Variants in CCDC148 observed in about 807,000 individuals in gnomAD.
CCDC148 encodes coiled-coil domain containing 148.
A neutral mutation model predicts 85.7 loss-of-function variants in CCDC148; 89 were observed. That is an observed-to-expected ratio of 1.04 (90% confidence interval 0.87 to 1.24). CCDC148 has a LOEUF of 1.24. Ranked by LOEUF, CCDC148 falls within the 50% of genes most tolerant of loss-of-function variation. The pLI, the probability that CCDC148 is intolerant of heterozygous loss-of-function variation, is 0.00. For missense variants in CCDC148, 692 were observed against 671.7 expected, an observed-to-expected ratio of 1.03 and a Z score of -0.33; for synonymous variants, 230 against 213.9, an observed-to-expected ratio of 1.08 and a Z score of -0.66.
At chr2:158,417,888 G>A (rs912919661) in intron 1 of CCDC148, among the ~76,000 whole-genome samples, 1 of 152,122 alleles carries the variant, frequency 6.6e-6, no homozygotes, top group Non-Finnish European at 1.5e-5. Flanking sequence ...ACAATTAAAG[G>A]TAATTAAAAG....
At chr2:158,198,328 G>A (rs770784263) in intron 11 of CCDC148, among the ~76,000 whole-genome samples, 35 of 152,222 alleles carry the variant, frequency 2.3e-4, no homozygotes, top group Admixed American at 9.2e-4. Context: ...GTCCATCATT[G>A]TATCCCAAGG....
chr2:158,362,990 C>T (rs1289233121), intron 1 of CCDC148, among the ~76,000 whole-genome samples: 1 of 152,068 alleles, frequency 6.6e-6, no homozygotes, highest in Admixed American at 6.6e-5. Context: ...GGTATATCAC[C>T]ACTGATCCCA....
intron 1 of CCDC148, among the ~76,000 whole-genome samples, chr2:158,395,245 T>C (rs941589194): frequency 1.3e-5 from 2 of 152,106 alleles, no homozygotes; most frequent in Admixed American, 1.3e-4. Flanking sequence ...CTTCTGCTTC[T>C]GAAGCAGCCA....
At chr2:158,335,203 C>T (rs536227880) in intron 7 of CCDC148, among the ~76,000 whole-genome samples, 2 of 152,258 alleles carry the variant, frequency 1.3e-5, no homozygotes, top group East Asian at 3.9e-4. Context: ...CCAGCAGTAA[C>T]GTCAGCCATG....
At chr2:158,340,703 A>T (rs753522152) in intron 3 of CCDC148, 23 bp from the exon 4 acceptor site, 1 of 1,331,254 alleles carries the variant, frequency 7.5e-7, no homozygotes, top group Non-Finnish European at 1.1e-6. Context: ...TGATCTCAAT[A>T]AATGTTACAA....
intron 2 of CCDC148, among the ~76,000 whole-genome samples, chr2:158,356,997 T>C (rs572395192): frequency 6.2e-4 from 92 of 149,356 alleles, no homozygotes; most frequent in Non-Finnish European, 1.1e-3. Context: ...AACCAAACAC[T>C]GCATATTCTC....
intron 10 of CCDC148, among the ~76,000 whole-genome samples, chr2:158,250,447 T>C (rs1521867): frequency 0.52 from 79,035 of 151,270 alleles, 20,820 homozygotes; most frequent in South Asian, 0.7. Context: ...CCCAGCACAG[T>C]ACCCTCTCAT....
chr2:158,440,093 A>T (rs1687865878), intron 1 of CCDC148, among the ~76,000 whole-genome samples: 1 of 151,876 alleles, frequency 6.6e-6, no homozygotes, highest in Non-Finnish European at 1.5e-5. Flanking sequence ...GGTCTTGAAC[A>T]TCTGGGCTCA....
intron 1 of CCDC148, among the ~76,000 whole-genome samples, chr2:158,402,636 T>C (rs1456877579): frequency 6.6e-6 from 1 of 152,026 alleles, no homozygotes; most frequent in Admixed American, 6.6e-5. Context: ...ATCCAAAATA[T>C]CTTCATTCTT....
chr2:158,218,097 T>A (rs991175062), intron 11 of CCDC148, among the ~76,000 whole-genome samples: 2 of 152,206 alleles, frequency 1.3e-5, no homozygotes, highest in African/African-American at 4.8e-5. Flanking sequence ...GAATTATATG[T>A]CTTAAATATC....
chr2:158,316,191 G>A (rs1473525395), intron 7 of CCDC148, among the ~76,000 whole-genome samples: 1 of 152,206 alleles, frequency 6.6e-6, no homozygotes, highest in Admixed American at 6.5e-5. Context: ...GAGTGGCAGT[G>A]CAAGATTGTG....
intron 1 of CCDC148, among the ~76,000 whole-genome samples, chr2:158,443,940 G>A (rs1442256102): frequency 6.6e-6 from 1 of 152,112 alleles, no homozygotes; most frequent in Non-Finnish European, 1.5e-5. Flanking sequence ...TAGTCAATAG[G>A]TTGCAATTCA....
chr2:158,349,678 C>T (rs1164969606), intron 2 of CCDC148, among the ~76,000 whole-genome samples: 1 of 151,904 alleles, frequency 6.6e-6, no homozygotes, highest in East Asian at 1.9e-4. Flanking sequence ...CTTGCCACCT[C>T]TAAATTAAAT....
rs137890252 is a variant in CCDC148 at position 158,434,093 on chromosome 2, T to A, written c.25+22322A>T. ...GCAGAAACTTCTACAAACTTAAACG[T>A]CCCTGTCTGACAGCTATGAAGAGAG... On this transcript the variant is annotated intron_variant, in intron 1 of 13. Coordinates refer to ENST00000283233, the MANE Select transcript of CCDC148 (RefSeq NM_138803.4). Among the ~76,000 whole-genome samples the A allele has an allele frequency of 5.3e-3, 807 of 152,194 alleles. 9 individuals are homozygous for A. Among genetic ancestry groups the A allele is most frequent in the African/African-American group, 0.018 (764 of 41,520 alleles).
In CCDC148 at chr2:158,240,452, TCACACACA is replaced by T. The variant is rs4028276; in HGVS notation, c.1251+10312_1251+10319del. On this transcript the variant is annotated intron_variant, in intron 10 of 13. Coordinates refer to ENST00000283233, the MANE Select transcript of CCDC148 (RefSeq NM_138803.4). Reference sequence around the variant, plus strand: ...CTCTCTCTTTCTCTCTCTCTCTCTCTCACACACACACACACACACACACACACACACAC... The same window carrying T: ...CTCTCTCTTTCTCTCTCTCTCTCTCTCACACACACACACACACACACACAC... Among the ~76,000 whole-genome samples the T allele has an allele frequency of 9.4e-3, 1,137 of 120,540 alleles. 13 individuals are homozygous for T. Among genetic ancestry groups the T allele is most frequent in the Middle Eastern group, 0.035 (8 of 230 alleles). The allele number at this position is 120,540 out of a possible 152,430, so 79.1% of individuals were successfully genotyped here.
intron 10 of CCDC148, among the ~76,000 whole-genome samples, chr2:158,246,492 C>T (rs915222226): frequency 6.6e-5 from 10 of 152,176 alleles, no homozygotes; most frequent in South Asian, 4.2e-4. Context: ...CACACATACA[C>T]GCACACACAC....
At chr2:158,442,503 C>T (rs1221359456) in intron 1 of CCDC148, among the ~76,000 whole-genome samples, 6 of 152,174 alleles carry the variant, frequency 3.9e-5, no homozygotes, top group Non-Finnish European at 2.9e-5. Flanking sequence ...CATAGGTAGC[C>T]ATTCTTTCAA....
intron 9 of CCDC148, chr2:158,288,502 A>T (rs1246432825): frequency 6.5e-6 from 1 of 152,854 alleles, no homozygotes; most frequent in Non-Finnish European, 1.5e-5. Flanking sequence ...TCAAAGTTCC[A>T]CAAGTCTCTA....
At chr2:158,190,003 G>A (rs1380646673) in intron 11 of CCDC148, among the ~76,000 whole-genome samples, 1 of 151,914 alleles carries the variant, frequency 6.6e-6, no homozygotes, top group African/African-American at 2.4e-5. Flanking sequence ...CACAGGAGTT[G>A]GCAAAATAAA....
Sources: allele counts gnomAD v4.1 joint callset (sites outside exome capture counted in the v4.1 genomes callset), GRCh38; gene constraint gnomAD v4.1.1; transcripts MANE v1.5; gene names NCBI Gene and HGNC (gene_info 2026-07-23, HGNC 2026-07-21).